The following ZNF618 variants were observed in gnomAD, a reference collection of about 807,000 sequenced individuals.
ZNF618 encodes neural precursor cell expressed, developmentally down-regulated 10.
Under a neutral mutation model 103.0 loss-of-function variants are expected in ZNF618, and 34 were observed. The ratio of observed to expected loss-of-function variants is 0.33; its 90% confidence interval spans 0.25 to 0.44. The LOEUF (loss-of-function observed/expected upper bound fraction) is 0.44, where lower values mean the gene tolerates loss of function less well. Ranked by LOEUF, ZNF618 falls within the 20% of genes least tolerant of loss-of-function variation. The pLI is 1.00. For missense variants in ZNF618, 1,059 were observed against 1,295.4 expected, an observed-to-expected ratio of 0.82 and a Z score of 2.80; for synonymous variants, 551 against 542.2, an observed-to-expected ratio of 1.02 and a Z score of -0.23.
chr9:113,904,931 G>A lies in ZNF618; in HGVS notation c.33+28518G>A, dbSNP rs574889540. Among the ~76,000 whole-genome samples, 4 of 152,290 alleles carry A rather than the reference G, an allele frequency of 2.6e-5. No homozygotes were observed. The East Asian group carries it at 7.7e-4, about 29-fold the overall frequency. On this transcript the variant is annotated intron_variant, in intron 1 of 14. Coordinates refer to ENST00000374126, the MANE Select transcript of ZNF618 (RefSeq NM_001318042.2). ...TAATCTCTCTATCTCAAAGTCATCTGATTAGCAAGCTTAATTGCATCTGCT... is the reference window on the plus strand; with the variant it reads ...TAATCTCTCTATCTCAAAGTCATCTAATTAGCAAGCTTAATTGCATCTGCT...
At chr9:113,907,504 C>T (rs902205131) in intron 1 of ZNF618, among the ~76,000 whole-genome samples, 4 of 152,302 alleles carry the variant, frequency 2.6e-5, no homozygotes, top group Non-Finnish European at 4.4e-5. Context: ...CTTTCCCAGG[C>T]AATGAGGCTT....
intron 1 of ZNF618, among the ~76,000 whole-genome samples, chr9:113,928,133 G>A (rs1833261188): frequency 6.6e-6 from 1 of 152,102 alleles, no homozygotes; most frequent in South Asian, 2.1e-4. Flanking sequence ...CTTCAGTTTG[G>A]ATAGTTCCTA....
chr9:114,005,288 G>C (rs530272626), intron 6 of ZNF618, among the ~76,000 whole-genome samples: 1 of 152,324 alleles, frequency 6.6e-6, no homozygotes, highest in South Asian at 2.1e-4. Context: ...AAATGCAGCG[G>C]TTCTGAAAAC....
At chr9:113,983,917 G>T (rs1407591547) in intron 2 of ZNF618, among the ~76,000 whole-genome samples, 1 of 152,158 alleles carries the variant, frequency 6.6e-6, no homozygotes, top group African/African-American at 2.4e-5. Context: ...GGGCCCCGGG[G>T]AGTCTTAGGA....
intron 9 of ZNF618, among the ~76,000 whole-genome samples, chr9:114,010,116 C>T (rs1203711136): frequency 6.6e-6 from 1 of 151,854 alleles, no homozygotes; most frequent in Admixed American, 6.6e-5. Context: ...TCAAGACCAG[C>T]CTGGCCAATA....
rs143497799 is a variant in ZNF618 at position 114,029,722 on chromosome 9, C to T, written c.1084+750C>T. Among the ~76,000 whole-genome samples, 45 of 152,320 alleles carry T rather than the reference C, an allele frequency of 3.0e-4. 1 individual carries two copies. The East Asian group carries it at 7.7e-3, about 26-fold the overall frequency. The stretch of plus-strand genomic sequence containing the variant: ...ACCTAGATCTCTGGTCTCTTGCCCT[C>T]CCCCTCTGTAGCACTACCCGTGAAA... On this transcript the variant is annotated intron_variant, in intron 11 of 14. Coordinates refer to ENST00000374126, the MANE Select transcript of ZNF618 (RefSeq NM_001318042.2).
chr9:113,940,986 C>G (rs2132056998), intron 1 of ZNF618, among the ~76,000 whole-genome samples: 1 of 151,972 alleles, frequency 6.6e-6, no homozygotes, highest in South Asian at 2.1e-4. Flanking sequence ...ATTTTTTTTC[C>G]TAGCCTATCA....
At chr9:113,972,786 G>A (rs1838094689) in intron 2 of ZNF618, among the ~76,000 whole-genome samples, 1 of 152,304 alleles carries the variant, frequency 6.6e-6, no homozygotes, top group African/African-American at 2.4e-5. Context: ...ATGTTGTTGG[G>A]CCCAGTGCGG....
At chr9:113,927,657 G>T (rs918390147) in intron 1 of ZNF618, among the ~76,000 whole-genome samples, 20 of 152,170 alleles carry the variant, frequency 1.3e-4, no homozygotes, top group African/African-American at 4.8e-4. Context: ...AAACTAGAGG[G>T]GTTGGAGAAG....
At position 114,049,641 on chromosome 9, in the gene ZNF618, C is replaced by G. The variant is rs766989397; in HGVS notation, c.2339C>G (p.Thr780Ser). 61 of 1,613,738 alleles carry G rather than the reference C, an allele frequency of 3.8e-5. No individual in the cohort carries two copies. Among genetic ancestry groups the G allele is most frequent in the Non-Finnish European group, 4.8e-5 (57 of 1,179,916 alleles). ...ACGGCCAAGGCCAACGACGCAGGCA[C>G]TGTCAGCAAGCTCTGCCACCTCTTC... ...LFTAKANDAG[T>S]VSKLCHLFLE... Residue 780 changes from threonine to serine, a missense_variant, in exon 15 of 15, where the codon ACT becomes AGT. This residue lies in a region of ZNF618 where 272 missense variants were observed against 380.1 expected (regional missense o/e 0.72). Transcript: ENST00000374126.
intron 4 of ZNF618, among the ~76,000 whole-genome samples, chr9:114,000,967 C>T (rs1382611273): frequency 2.6e-5 from 4 of 152,310 alleles, no homozygotes; most frequent in South Asian, 2.1e-4. Flanking sequence ...CACTCTAGAT[C>T]GCTAAGCCTG....
At chr9:113,940,689 T>A (rs1376620993) in intron 1 of ZNF618, among the ~76,000 whole-genome samples, 1 of 152,090 alleles carries the variant, frequency 6.6e-6, no homozygotes, top group East Asian at 1.9e-4. Flanking sequence ...GTAAAAAAAC[T>A]TTTTGTTTTA....
chr9:113,879,129 G>C (rs2130752883), intron 1 of ZNF618, among the ~76,000 whole-genome samples: 1 of 151,816 alleles, frequency 6.6e-6, no homozygotes, highest in Middle Eastern at 3.4e-3. Context: ...GAGGCAGAAG[G>C]CCTGAGTTTA....
chr9:113,984,769 G>A (rs989618064), intron 2 of ZNF618, among the ~76,000 whole-genome samples: 1 of 152,186 alleles, frequency 6.6e-6, no homozygotes. Flanking sequence ...CACCCATGAG[G>A]TCTTAGCTAG....
intron 12 of ZNF618, among the ~76,000 whole-genome samples, chr9:114,033,178 G>A (rs1844251452): frequency 6.6e-6 from 1 of 152,206 alleles, no homozygotes; most frequent in Non-Finnish European, 1.5e-5. Flanking sequence ...GGGAGGCCAA[G>A]GTGGGTGGGT....
intron 1 of ZNF618, among the ~76,000 whole-genome samples, chr9:113,879,165 G>GGGA (rs765343134): frequency 2.8e-4 from 42 of 151,942 alleles, no homozygotes; most frequent in Non-Finnish European, 5.4e-4. Flanking sequence ...AGATGGGCTG[G>GGGA]GGAGGGGTGG....
In ZNF618 at chr9:114,045,625, G is replaced by A. The variant is rs1298013510; in HGVS notation, c.1247-2268G>A. Among the ~76,000 whole-genome samples the A allele has an allele frequency of 3.3e-5, 5 of 151,888 alleles. No homozygotes were observed. In the East Asian group the frequency reaches 7.7e-4, roughly 23 times the overall value. ...ACACTGTCTTAATTACTATAGCTTT[G>A]TAGTAGTTTGGAAATCAGGAAGTAT... On this transcript the variant is annotated intron_variant, in intron 13 of 14. Coordinates refer to ENST00000374126, the MANE Select transcript of ZNF618 (RefSeq NM_001318042.2).
rs1204196468 is a variant in ZNF618, at chr9:113,998,284, C to T, written c.363C>T (p.Pro121=). The change falls in exon 4 of 15, where the codon CCC becomes CCT. Residue 121 remains proline (P), a synonymous_variant. Coordinates refer to ENST00000374126, the MANE Select transcript of ZNF618 (RefSeq NM_001318042.2). The part of the protein sequence containing the change: ...TLDGKAPEGS[P]HGGSVRSRYS... ...ATGGAAAAGCGCCCGAAGGCAGCCCCCACGGTGGATCTGTGCGAAGCCGGT... is the reference window on the plus strand; with the variant it reads ...ATGGAAAAGCGCCCGAAGGCAGCCCTCACGGTGGATCTGTGCGAAGCCGGT... 1.3e-6 allele frequency: 2 copies of T among 1,550,466 alleles called. No homozygotes were observed. Among genetic ancestry groups the T allele is most frequent in the African/African-American group, 1.4e-5 (1 of 73,054 alleles).
At chr9:113,949,569 C>T (rs957557279) in intron 1 of ZNF618, among the ~76,000 whole-genome samples, 7 of 152,198 alleles carry the variant, frequency 4.6e-5, no homozygotes, top group African/African-American at 1.4e-4. Context: ...GAATGTTCCT[C>T]TTCATCCTGA....
Sources: gnomAD v4.1 joint callset for allele counts (sites outside exome capture counted in the v4.1 genomes callset) on GRCh38, gnomAD v4.1.1 for gene constraint, gnomAD v4.1.1 regional missense constraint, MANE v1.5 for transcripts, NCBI Gene and HGNC (gene_info 2026-07-23, HGNC 2026-07-21) for gene names.